Variants in WIPI1 observed in about 807,000 individuals in gnomAD.
The protein encoded by WIPI1 is WD repeat domain phosphoinositide-interacting protein 1.
Under a neutral mutation model 55.3 loss-of-function variants are expected in WIPI1, and 45 were observed. That is an observed-to-expected ratio of 0.81 (90% CI 0.64 to 1.04). WIPI1 has a LOEUF of 1.04. Among genes scored for constraint, WIPI1 ranks in the 50% least tolerant of loss-of-function variants. The pLI is 0.00. For synonymous variants in WIPI1, 195 were observed against 217.6 expected (o/e 0.90, Z 0.92); for missense variants, 445 against 559.0 (o/e 0.80, Z 2.06).
At chr17:68,421,982 G>T in intron 12 of WIPI1, 162 bp from the exon 13 acceptor site, 1 of 753,974 alleles carries the variant, frequency 1.3e-6, no homozygotes, top group Non-Finnish European at 2.3e-6. Flanking sequence ...TGGTCACCCA[G>T]CTTATTTAGG....
At chr17:68,434,698 G>T in intron 6 of WIPI1, 72 bp from the exon 7 acceptor site, 1 of 1,518,184 alleles carries the variant, frequency 6.6e-7, no homozygotes, top group Non-Finnish European at 9.0e-7. Context: ...TTAGAGAGGA[G>T]TTTGTTTTAT....
In WIPI1 at chr17:68,426,249, C is replaced by CGGG. The variant is rs1316424396; in HGVS notation, c.1193-77_1193-75dup. ...ATGCCATGACCTGGCGGGTGGGGAGCGGGGGCTCAAATAAAGGGCAAAGGA... is the reference window on the plus strand; with the variant it reads ...ATGCCATGACCTGGCGGGTGGGGAGCGGGGGGGGCTCAAATAAAGGGCAAAGGA... On this transcript the variant is annotated intron_variant, in intron 11 of 12. Transcript: ENST00000262139. The CGGG allele has an allele frequency of 6.0e-5, 47 of 787,852 alleles. 4 individuals are homozygous for CGGG. The highest frequency in any genetic ancestry group is 5.7e-4 in the East Asian group (16 of 27,980). 48.8% of individuals were successfully genotyped at this position (787,852 alleles called of 1,614,324 possible).
At chr17:68,422,124 T>A in intron 12 of WIPI1, 1 of 329,280 alleles carries the variant, frequency 3.0e-6, no homozygotes, top group Non-Finnish European at 5.8e-6. Flanking sequence ...GACTGCTCAA[T>A]CACTATTAAA....
In WIPI1 at chr17:68,450,861, A is replaced by G. The variant is rs755260762; in HGVS notation, c.200T>C (p.Phe67Ser). The stretch of plus-strand genomic sequence containing the variant: ...GACTACCACCACCAGGCTGCTGGAG[A>G]AGAGGCGCTCCACGATGTAGACGTC... ...IPDVYIVERL[F>S]SSSLVVVVSH... The change falls in exon 3 of 13, where the codon TTC becomes TCC. Residue 67 changes from phenylalanine to serine, a missense_variant. Physicochemically the swap from Phe to Ser is radical, Grantham distance 155 (BLOSUM62 -2). Coordinates refer to ENST00000262139, the MANE Select transcript of WIPI1 (RefSeq NM_017983.7). 5.6e-6 allele frequency: 9 copies of G among 1,613,850 alleles called. No homozygotes were observed. In the South Asian group the frequency reaches 9.9e-5, roughly 18 times the overall value.
intron 7 of WIPI1, 90 bp downstream of exon 7, chr17:68,434,466 C>T: frequency 7.5e-7 from 1 of 1,335,726 alleles, no homozygotes. Context: ...GGGCACAGAG[C>T]CACTCTCTGT....
At chr17:68,455,188 C>T (rs1328043034) in intron 1 of WIPI1, among the ~76,000 whole-genome samples, 1 of 151,820 alleles carries the variant, frequency 6.6e-6, no homozygotes, top group Non-Finnish European at 1.5e-5. Flanking sequence ...GTGGCAAAAC[C>T]CCGTCTCTAC....
At chr17:68,457,144 G>A (rs973721846) in intron 1 of WIPI1, among the ~76,000 whole-genome samples, 198 bp downstream of exon 1, 2 of 152,092 alleles carry the variant, frequency 1.3e-5, no homozygotes, top group African/African-American at 4.8e-5. Flanking sequence ...GACACTGGGA[G>A]TGGGGTGGGG....
chr17:68,445,825 C>G (rs1191438662), intron 3 of WIPI1, among the ~76,000 whole-genome samples: 1 of 152,260 alleles, frequency 6.6e-6, no homozygotes, highest in Non-Finnish European at 1.5e-5. Flanking sequence ...ACCACCCCTG[C>G]ACATGCCTGA....
rs563449314 is a variant in WIPI1, at chr17:68,434,972, C to T, written c.622-346G>A. On this transcript the variant is annotated intron_variant, in intron 6 of 12. Coordinates refer to ENST00000262139, the MANE Select transcript of WIPI1 (RefSeq NM_017983.7). ...ATCCTAGCACTTTGGGAGGCCAAGG[C>T]GGGTGGATTGCCTGAGCTCAGGAAT... 3.9e-5 allele frequency among the ~76,000 whole-genome samples: 6 copies of T among 152,146 alleles called. No individual in the cohort carries two copies. In the South Asian group the frequency reaches 1.0e-3, roughly 26 times the overall value.
chr17:68,440,576 C>A (rs2147929917), intron 4 of WIPI1: 1 of 152,264 alleles, frequency 6.6e-6, no homozygotes. Flanking sequence ...TTCTTCCAGT[C>A]TTTTTTCTAC....
intron 3 of WIPI1, among the ~76,000 whole-genome samples, chr17:68,445,737 C>T (rs78906156): frequency 0.082 from 12,516 of 152,270 alleles, 671 homozygotes; most frequent in South Asian, 0.19. Flanking sequence ...AGTACAAGGG[C>T]AGACATCGGT....
chr17:68,445,043 C>T (rs1372442695), intron 3 of WIPI1, among the ~76,000 whole-genome samples: 6 of 151,726 alleles, frequency 4.0e-5, no homozygotes, highest in African/African-American at 1.5e-4. Flanking sequence ...GCATCAGCCT[C>T]CTGAGTAGCT....
intron 8 of WIPI1, 32 bp from the exon 9 acceptor site, chr17:68,430,192 T>G: frequency 6.3e-7 from 1 of 1,585,986 alleles, no homozygotes; most frequent in South Asian, 1.1e-5. Context: ...ACGATGGGAC[T>G]GGGCTGCAGG....
chr17:68,435,393 A>G (rs1367287533), intron 6 of WIPI1, among the ~76,000 whole-genome samples: 4 of 152,232 alleles, frequency 2.6e-5, no homozygotes, highest in South Asian at 2.1e-4. Flanking sequence ...GTTTTCATGC[A>G]AAGTGTCTTG....
At chr17:68,454,844 C>T (rs932617451) in intron 1 of WIPI1, among the ~76,000 whole-genome samples, 2 of 152,112 alleles carry the variant, frequency 1.3e-5, no homozygotes, top group African/African-American at 4.8e-5. Context: ...CAAACATAAG[C>T]CCTGCTCCTG....
chr17:68,444,373 T>C (rs1030098), intron 4 of WIPI1, 120 bp downstream of exon 4: 289,100 of 836,334 alleles, frequency 0.35, 53,326 homozygotes, highest in Middle Eastern at 0.43. Flanking sequence ...GAGATAAACC[T>C]CACTAAGACT....
chr17:68,429,001 G>A (rs2083385909), intron 9 of WIPI1, 65 bp from the exon 10 acceptor site: 3 of 1,248,754 alleles, frequency 2.4e-6, no homozygotes, highest in Non-Finnish European at 3.4e-6. Flanking sequence ...CGCTTCCAAT[G>A]ACAAAGCCCC....
chr17:68,437,154 C>T (rs76355375), intron 4 of WIPI1, among the ~76,000 whole-genome samples: 76 of 152,080 alleles, frequency 5.0e-4, no homozygotes, highest in African/African-American at 1.8e-3. Context: ...ATAAATCTTC[C>T]TATAGTGAAA....
chr17:68,437,892 A>G (rs1415992510), intron 4 of WIPI1, among the ~76,000 whole-genome samples: 1 of 149,572 alleles, frequency 6.7e-6, no homozygotes, highest in Non-Finnish European at 1.5e-5. Flanking sequence ...CAGCAATTCC[A>G]TAGAAACCAA....
Sources: allele counts gnomAD v4.1 joint callset (sites outside exome capture counted in the v4.1 genomes callset), GRCh38; gene constraint gnomAD v4.1.1; transcripts MANE v1.5; gene names NCBI Gene and HGNC (gene_info 2026-07-23, HGNC 2026-07-21).